SCRG1: variants seen among roughly 807,000 people sequenced by gnomAD.
SCRG1 encodes the protein stimulator of chondrogenesis 1.
SCRG1 carries 3 observed loss-of-function variants against 7.7 expected under a neutral mutation model. That is an observed-to-expected ratio of 0.39 (90% CI 0.18 to 1.01). The LOEUF is 1.01. Among genes scored for constraint, SCRG1 ranks in the 50% least tolerant of loss-of-function variants. The pLI is 0.36. For missense variants in SCRG1, 110 were observed against 117.2 expected (o/e 0.94, Z 0.28); for synonymous variants, 46 against 41.2 (o/e 1.12, Z -0.44).
At chr4:173,398,606 G>A (rs540393217) in intron 1 of SCRG1, among the ~76,000 whole-genome samples, 1 of 152,184 alleles carries the variant, frequency 6.6e-6, no homozygotes, top group South Asian at 2.1e-4. Context: ...GTTCTTTTCA[G>A]AAATCAGGAT....
chr4:173,476,323 G>A, the SCRG1 span, among the ~76,000 whole-genome samples: 1 of 123,162 alleles, frequency 8.1e-6, no homozygotes, highest in Non-Finnish European at 1.8e-5. Context: ...AGGAAACTTG[G>A]ACCTCATTTC....
the SCRG1 span, among the ~76,000 whole-genome samples, chr4:173,441,295 C>G: frequency 5.3e-5 from 8 of 152,202 alleles, no homozygotes; most frequent in Admixed American, 3.3e-4. Context: ...ACAGTAGGTT[C>G]AGTCTCAAAC....
chr4:173,413,512 A>G, the SCRG1 span, among the ~76,000 whole-genome samples: 474 of 152,296 alleles, frequency 3.1e-3, 9 homozygotes, highest in Non-Finnish European at 7.9e-4. Flanking sequence ...AAACCATTCC[A>G]TCAGAGGAGC....
the SCRG1 span, among the ~76,000 whole-genome samples, chr4:173,444,239 G>T: frequency 3.6e-3 from 544 of 152,224 alleles, 2 homozygotes; most frequent in African/African-American, 0.013. Context: ...CTCCCAAAGT[G>T]CTGGGATTAC....
the SCRG1 span, among the ~76,000 whole-genome samples, chr4:173,459,267 C>T: frequency 5.3e-5 from 8 of 152,222 alleles, no homozygotes; most frequent in Non-Finnish European, 1.2e-4. Context: ...ATGGACCCAA[C>T]AGGCATTTAC....
intron 1 of SCRG1, among the ~76,000 whole-genome samples, chr4:173,392,145 G>C (rs1739467474): frequency 6.6e-6 from 1 of 152,056 alleles, no homozygotes; most frequent in African/African-American, 2.4e-5. Context: ...AAGTACCTGG[G>C]TCCCATCCTG....
the SCRG1 span, among the ~76,000 whole-genome samples, chr4:173,485,965 G>A: frequency 6.6e-6 from 1 of 152,180 alleles, no homozygotes; most frequent in South Asian, 2.1e-4. Flanking sequence ...ATGAGACTCT[G>A]TCTCAAAAAC....
the SCRG1 span, among the ~76,000 whole-genome samples, chr4:173,448,467 C>A: frequency 6.6e-6 from 1 of 152,226 alleles, no homozygotes; most frequent in South Asian, 2.1e-4. Context: ...TAAGTCATTA[C>A]TTCTGTTTTG....
chr4:173,425,277 T>C, the SCRG1 span, among the ~76,000 whole-genome samples: 1 of 152,200 alleles, frequency 6.6e-6, no homozygotes, highest in African/African-American at 2.4e-5. Context: ...TTTAGGACAT[T>C]CTTTTCATTT....
At chr4:173,419,959 A>G in the SCRG1 span, 1 of 719,702 alleles carries the variant, frequency 1.4e-6, no homozygotes, top group East Asian at 2.6e-5. Flanking sequence ...TACGGGCATA[A>G]GCAACCTGAC....
At chr4:173,485,103 T>TACATATA in the SCRG1 span, among the ~76,000 whole-genome samples, 7 of 39,012 alleles carry the variant, frequency 1.8e-4, no homozygotes, top group Non-Finnish European at 3.0e-4. Context: ...TATTATATAT[T>TACATATA]ATATATTATA....
the SCRG1 span, among the ~76,000 whole-genome samples, chr4:173,500,496 T>G: frequency 5.0e-4 from 14 of 27,806 alleles, no homozygotes; most frequent in Non-Finnish European, 8.8e-4. Flanking sequence ...GTGTGTGTGT[T>G]TGAGACGGTC....
upstream of SCRG1, among the ~76,000 whole-genome samples, chr4:173,409,989 TC>T (rs1740006287): frequency 6.6e-6 from 1 of 152,088 alleles, no homozygotes; most frequent in African/African-American, 2.4e-5. Context: ...CTTTTCAGTA[TC>T]CCCCTGACAT....
At chr4:173,449,388 G>T in the SCRG1 span, among the ~76,000 whole-genome samples, 1 of 150,556 alleles carries the variant, frequency 6.6e-6, no homozygotes, top group African/African-American at 2.4e-5. Context: ...GAAAATACCC[G>T]AATGTGACAG....
intron 2 of SCRG1, 64 bp downstream of exon 2, chr4:173,391,109 A>T: frequency 5.8e-6 from 9 of 1,557,280 alleles, no homozygotes; most frequent in Non-Finnish European, 7.9e-6. Flanking sequence ...TATTATGAAG[A>T]TGTAGCTAAA....
the SCRG1 span, among the ~76,000 whole-genome samples, chr4:173,483,126 G>T: frequency 4.7e-5 from 3 of 63,854 alleles, no homozygotes; most frequent in East Asian, 5.5e-4. Context: ...TATATATAAT[G>T]TATATTTTAT....
chr4:173,386,969 A>T lies in SCRG1; in HGVS notation c.*1372T>A, dbSNP rs1016477309. 2 of 152,196 alleles carry T rather than the reference A, an allele frequency of 1.3e-5. No homozygotes were observed. Among genetic ancestry groups the T allele is most frequent in the African/African-American group, 2.4e-5 (1 of 41,434 alleles). 9.4% of individuals were successfully genotyped at this position (152,196 alleles called of 1,614,324 possible). ...TGACATTACCTCTGATGGCAATATGAGTCACATACCTCTTAAGTTATGGGG... is the reference window on the plus strand; with the variant it reads ...TGACATTACCTCTGATGGCAATATGTGTCACATACCTCTTAAGTTATGGGG... On this transcript the variant is annotated 3_prime_UTR_variant, in exon 3 of 3. Coordinates refer to ENST00000296506, the MANE Select transcript of SCRG1 (RefSeq NM_007281.4).
the SCRG1 span, among the ~76,000 whole-genome samples, chr4:173,491,858 G>A: frequency 1.3e-5 from 2 of 152,162 alleles, no homozygotes; most frequent in South Asian, 2.1e-4. Context: ...GGCTGGGTGC[G>A]GTGGCTCATA....
chr4:173,499,682 C>T, the SCRG1 span, among the ~76,000 whole-genome samples: 1 of 152,170 alleles, frequency 6.6e-6, no homozygotes, highest in Admixed American at 6.5e-5. The surrounding 1 kb of genome is among the most constrained non-coding windows in gnomAD (Gnocchi z 4.1). Flanking sequence ...TTTCCTAGGA[C>T]AGATTCAGTT....
Sources: gnomAD v4.1 joint callset for allele counts (sites outside exome capture counted in the v4.1 genomes callset) on GRCh38, gnomAD v4.1.1 for gene constraint, Gnocchi (gnomAD v3.1) non-coding constraint, MANE v1.5 for transcripts, NCBI Gene and HGNC (gene_info 2026-07-23, HGNC 2026-07-21) for gene names.